HHAT: variants seen among roughly 807,000 people sequenced by gnomAD.
HHAT encodes the protein hedgehog acyltransferase.
Under a neutral mutation model 70.8 loss-of-function variants are expected in HHAT, and 47 were observed. The observed-to-expected ratio is 0.66, with a 90% confidence interval of 0.53 to 0.85. HHAT has a LOEUF of 0.85. Ranked by LOEUF, HHAT falls within the 40% of genes least tolerant of loss-of-function variation. HHAT has a pLI of 0.00. For synonymous variants in HHAT, 228 were observed against 247.6 expected, an observed-to-expected ratio of 0.92 and a Z score of 0.74; for missense variants, 609 against 604.8, an observed-to-expected ratio of 1.01 and a Z score of -0.07.
intron 1 of HHAT, among the ~76,000 whole-genome samples, chr1:210,331,501 A>G (rs1038291857): frequency 1.3e-5 from 2 of 152,162 alleles, no homozygotes; most frequent in African/African-American, 2.4e-5. Context: ...TGCTATCTCA[A>G]ACAGTTGGTC....
At chr1:210,334,181 T>TTTTTTTTTTTTTTTTTTTTTTTG in intron 1 of HHAT, among the ~76,000 whole-genome samples, 1 of 130,966 alleles carries the variant, frequency 7.6e-6, no homozygotes, top group African/African-American at 3.1e-5. Flanking sequence ...GCGTGTCATT[T>TTTTTTTTTTTTTTTTTTTTTTTG]TTTTTTTTTT....
chr1:210,548,182 A>G (rs2095500100), intron 9 of HHAT, among the ~76,000 whole-genome samples: 1 of 152,116 alleles, frequency 6.6e-6, no homozygotes, highest in Admixed American at 6.5e-5. Context: ...AAGGCAGAGG[A>G]AAATTGGGGA....
At chr1:210,538,278 T>A (rs1300436194) in intron 9 of HHAT, among the ~76,000 whole-genome samples, 2 of 152,130 alleles carry the variant, frequency 1.3e-5, no homozygotes, top group Non-Finnish European at 2.9e-5. Context: ...AGGATTTATG[T>A]AGAGAAAATA....
rs147954610 is a variant in HHAT at position 210,623,629 on chromosome 1, A to G, written c.1349A>G (p.Asn450Ser). ...ILSNLVFLGG[N>S]EVGKTYWNRI... is the part of the protein sequence containing the mutation. ...TCCAACCTGGTATTTCTTGGGGGCA[A>G]TGAGGTTGGGAAAACCTACTGGAAT... Residue 450 changes from asparagine (N) to serine (S), a missense_variant, in exon 11 of 12, where the codon AAT (asparagine) becomes AGT (serine). Transcript: ENST00000261458. The G allele has an allele frequency of 1.4e-4, 221 of 1,613,972 alleles. 3 individuals carry two copies. The East Asian group carries it at 3.6e-3, about 26-fold the overall frequency.
At chr1:210,550,124 C>A (rs2095516245) in intron 9 of HHAT, among the ~76,000 whole-genome samples, 1 of 149,296 alleles carries the variant, frequency 6.7e-6, no homozygotes, top group Non-Finnish European at 1.5e-5. Flanking sequence ...CTCATCCTTT[C>A]ATGCCTAGCT....
rs74158920 is a variant in HHAT at position 210,584,862 on chromosome 1, A to G, written c.1044-3036A>G. On this transcript the variant is annotated intron_variant, in intron 9 of 11. Transcript: ENST00000261458. ...AGGTTTGCCCATCCTTATAGCAAGA[A>G]CAAAGTCATGTCTGTTTCCCATAAT... is the stretch of plus-strand genomic sequence containing the variant. Among the ~76,000 whole-genome samples the G allele has an allele frequency of 8.1e-3, 1,232 of 152,338 alleles. 23 individuals carry two copies. The highest frequency in any genetic ancestry group is 0.028 in the African/African-American group (1,148 of 41,564).
intron 11 of HHAT, among the ~76,000 whole-genome samples, chr1:210,666,916 T>C (rs1043457402): frequency 2.0e-5 from 3 of 151,538 alleles, no homozygotes; most frequent in Non-Finnish European, 2.9e-5. Context: ...CCATCTCTAC[T>C]AAAAATACAA....
At chr1:210,611,871 G>A (rs1268874157) in intron 10 of HHAT, among the ~76,000 whole-genome samples, 1 of 152,142 alleles carries the variant, frequency 6.6e-6, no homozygotes, top group Non-Finnish European at 1.5e-5. Flanking sequence ...TGATTGTGGT[G>A]CATAAGCTTT....
chr1:210,644,546 G>A (rs1673634654), intron 11 of HHAT, among the ~76,000 whole-genome samples: 2 of 139,858 alleles, frequency 1.4e-5, no homozygotes, highest in Non-Finnish European at 3.0e-5. Flanking sequence ...GAGGTTGTGG[G>A]AAGCTGAGAT....
At position 210,560,814 on chromosome 1, in the gene HHAT, T is replaced by TAAAAAAAAAAAA. The variant is rs60192211; in HGVS notation, c.1044-27058_1044-27047dup. 3.9e-4 allele frequency among the ~76,000 whole-genome samples: 11 copies of TAAAAAAAAAAAA among 28,512 alleles called. 1 individual carries two copies. Among genetic ancestry groups the TAAAAAAAAAAAA allele is most frequent in the Non-Finnish European group, 9.5e-4 (10 of 10,504 alleles). The allele number at this position is 28,512 out of a possible 152,430, so 18.7% of individuals were successfully genotyped here. A position where few individuals can be genotyped will look rare whatever the true frequency, so the allele number is the denominator to read the frequency against. On this transcript the variant is annotated intron_variant, in intron 9 of 11. Transcript: ENST00000261458. Reference sequence around the variant, plus strand: ...GGTGACAAAGTGAGACCCTGTGTCTTAAAAAAAAAAAAAAAAAAAAAAAAA... The same window carrying TAAAAAAAAAAAA: ...GGTGACAAAGTGAGACCCTGTGTCTTAAAAAAAAAAAAAAAAAAAAAAAAAAAAAAAAAAAAA...
intron 7 of HHAT, among the ~76,000 whole-genome samples, chr1:210,441,504 A>G (rs1374614164): frequency 6.6e-6 from 1 of 152,204 alleles, no homozygotes; most frequent in Admixed American, 6.5e-5. Context: ...TGGTTATTCT[A>G]CAAATATGAT....
chr1:210,636,286 G>A (rs1671847325), intron 11 of HHAT, among the ~76,000 whole-genome samples: 1 of 152,202 alleles, frequency 6.6e-6, no homozygotes, highest in South Asian at 2.1e-4. Flanking sequence ...TTTCCTTAGG[G>A]AGGGATTCAC....
chr1:210,492,884 G>C (rs1296552972), intron 8 of HHAT, among the ~76,000 whole-genome samples: 1 of 152,148 alleles, frequency 6.6e-6, no homozygotes, highest in African/African-American at 2.4e-5. Flanking sequence ...CTTCCTGTCA[G>C]TGGATGGGTT....
intron 10 of HHAT, among the ~76,000 whole-genome samples, chr1:210,616,467 C>T (rs1177673602): frequency 6.6e-6 from 1 of 152,160 alleles, no homozygotes; most frequent in African/African-American, 2.4e-5. Context: ...ATCCCAGTTA[C>T]TTTTAAAAAT....
At chr1:210,655,657 C>G (rs765339275) in intron 11 of HHAT, among the ~76,000 whole-genome samples, 6 of 152,208 alleles carry the variant, frequency 3.9e-5, no homozygotes, top group Non-Finnish European at 8.8e-5. Context: ...AAACGTCTTT[C>G]TCTGTAACCG....
At chr1:210,362,828 C>T (rs776560478) in intron 2 of HHAT, 24 bp from the exon 3 acceptor site, 40 of 1,598,944 alleles carry the variant, frequency 2.5e-5, no homozygotes, top group East Asian at 1.1e-4. Flanking sequence ...TTGTGACTAA[C>T]GAAGACTTTT....
intron 7 of HHAT, among the ~76,000 whole-genome samples, chr1:210,421,327 CG>C (rs1367453754): frequency 6.6e-6 from 1 of 152,096 alleles, no homozygotes; most frequent in Non-Finnish European, 1.5e-5. Flanking sequence ...CAGAAATTCA[CG>C]TATCTTTTAA....
In HHAT at chr1:210,674,325, G is replaced by C; in HGVS notation, c.1428G>C (p.Leu476=). The C allele has an allele frequency of 6.2e-7, 1 of 1,614,174 alleles. No homozygotes were observed. The highest frequency in any genetic ancestry group is 8.5e-7 in the Non-Finnish European group (1 of 1,180,008). The change falls in exon 12 of 12, where the codon CTG becomes CTC. Residue 476 remains leucine, a synonymous_variant. Coordinates refer to ENST00000261458, the MANE Select transcript of HHAT (RefSeq NM_018194.6). ...TGACCCTCTCTGTCCTGGGATTCCT[G>C]TACTGCTACTCCCACGTGGGCATTG... ...PWVTLSVLGF[L]YCYSHVGIAW...
At chr1:210,343,657 C>T (rs978196565) in intron 1 of HHAT, among the ~76,000 whole-genome samples, 16 of 152,120 alleles carry the variant, frequency 1.1e-4, no homozygotes, top group Admixed American at 7.9e-4. Context: ...GAAGAGGCAC[C>T]GGGCTGAAAG....
Sources: allele counts gnomAD v4.1 joint callset (sites outside exome capture counted in the v4.1 genomes callset), GRCh38; gene constraint gnomAD v4.1.1; transcripts MANE v1.5; gene names NCBI Gene and HGNC (gene_info 2026-07-23, HGNC 2026-07-21).